COL27A1: variants seen among roughly 807,000 people sequenced by gnomAD.
COL27A1 encodes collagen alpha-1(XXVII) chain.
COL27A1 carries 106 observed loss-of-function variants against 251.3 expected under a neutral mutation model. The observed-to-expected ratio is 0.42, with a 90% confidence interval of 0.36 to 0.50. The LOEUF (loss-of-function observed/expected upper bound fraction) is 0.50, where lower values mean the gene tolerates loss of function less well. Ranked by LOEUF, COL27A1 falls within the 20% of genes least tolerant of loss-of-function variation. The pLI, the probability that COL27A1 is intolerant of heterozygous loss-of-function variation, is 0.00. For missense variants in COL27A1, 2,325 were observed against 2,522.8 expected, an observed-to-expected ratio of 0.92 and a Z score of 1.68; for synonymous variants, 1,000 against 986.3, an observed-to-expected ratio of 1.01 and a Z score of -0.26.
At chr9:114,294,241 C>T (rs1363040434) in intron 49 of COL27A1, among the ~76,000 whole-genome samples, 2 of 120,220 alleles carry the variant, frequency 1.7e-5, no homozygotes, top group East Asian at 2.4e-4. Context: ...GGGAGAGACT[C>T]TGTCTCAAAA....
At chr9:114,197,122 C>T (rs1468254182) in intron 7 of COL27A1, among the ~76,000 whole-genome samples, 2 of 152,148 alleles carry the variant, frequency 1.3e-5, no homozygotes, top group South Asian at 2.1e-4. Context: ...CCAAGAAAAT[C>T]CCCAACCGCT....
At chr9:114,282,212 C>T (rs367943010) in intron 37 of COL27A1, 65 bp from the exon 38 acceptor site, 66 of 1,481,358 alleles carry the variant, frequency 4.5e-5, no homozygotes, top group Middle Eastern at 3.6e-4. Flanking sequence ...GACCGCCTTG[C>T]GGATCCGCCT....
chr9:114,183,928 T>G (rs148573245), intron 5 of COL27A1, among the ~76,000 whole-genome samples: 2 of 152,324 alleles, frequency 1.3e-5, no homozygotes, highest in East Asian at 3.9e-4. Flanking sequence ...CCCGGAGCTC[T>G]GGCAGAGGGC....
chr9:114,264,399 G>A lies in COL27A1; in HGVS notation c.3240G>A (p.Arg1080=). 1 of 1,588,272 alleles carries A rather than the reference G, an allele frequency of 6.3e-7. No individual in the cohort carries two copies. ...PDGPAGEQGS[R]GLKGPPGPQG... is the part of the protein sequence containing the mutation. ...GACCAGCTGGGGAGCAAGGGTCCAG[G>A]GGCCTGAAGGTACCGACCCCTAGGA... is the stretch of plus-strand genomic sequence containing the variant. Residue 1080 remains arginine, a synonymous_variant, in exon 29 of 61, where the codon AGG becomes AGA. Transcript: ENST00000356083.
intron 36 of COL27A1, chr9:114,271,045 C>T: frequency 2.1e-6 from 1 of 485,518 alleles, no homozygotes; most frequent in Non-Finnish European, 3.6e-6. Context: ...ATATCAGCTT[C>T]TCTTGGCTAA....
At chr9:114,253,676 A>G (rs10982124) in intron 27 of COL27A1, among the ~76,000 whole-genome samples, 67,917 of 152,026 alleles carry the variant, frequency 0.45, 16,228 homozygotes, top group East Asian at 0.76. Flanking sequence ...TAACTTCTCC[A>G]AGCCTGAATT....
rs761414386 is a variant in COL27A1 at position 114,167,924 on chromosome 9, G to C, written c.369G>C (p.Lys123Asn). The change falls in exon 3 of 61, where the codon AAG (lysine) becomes AAC (asparagine). Residue 123 changes from lysine to asparagine, a missense_variant. Around this residue, in one of 4 missense-constraint regions of COL27A1, gnomAD observed 1,183 missense variants for 1,144.1 expected, o/e 1.03. Coordinates refer to ENST00000356083, the MANE Select transcript of COL27A1 (RefSeq NM_032888.4). ...TCGCTGTCCGCAGCCAGAAACGCAA[G>C]CTGCAGCTGGGCCTGCAGTTCCTCC... is the stretch of plus-strand genomic sequence containing the variant. ...FLFAVRSQKR[K>N]LQLGLQFLPG... is the part of the protein sequence containing the mutation. 3 of 1,611,286 alleles carry C rather than the reference G, an allele frequency of 1.9e-6. No homozygotes were observed. The highest frequency in any genetic ancestry group is 2.5e-6 in the Non-Finnish European group (3 of 1,179,826).
Position 114,258,303 on chromosome 9 carries a change from G to T in COL27A1, c.3142-238G>T, listed in dbSNP as rs141988989. Among the ~76,000 whole-genome samples, 308 of 152,322 alleles carry T rather than the reference G, an allele frequency of 2.0e-3. 1 individual carries two copies. The highest frequency in any genetic ancestry group is 6.4e-3 in the African/African-American group (264 of 41,572). On this transcript the variant is annotated intron_variant, in intron 27 of 60. Transcript: ENST00000356083. ...CCCCAGACTCCCAGGAAAGGTCGAGGCCCATCCCCCTATAGCCCAGGGCAT... is the reference window on the plus strand; with the variant it reads ...CCCCAGACTCCCAGGAAAGGTCGAGTCCCATCCCCCTATAGCCCAGGGCAT...
chr9:114,173,328 A>G (rs920977177), intron 3 of COL27A1, among the ~76,000 whole-genome samples: 1 of 152,226 alleles, frequency 6.6e-6, no homozygotes, highest in Non-Finnish European at 1.5e-5. Context: ...GGCCCACACC[A>G]CGTGCTCTGT....
chr9:114,300,151 T>G, intron 50 of COL27A1, 28 bp downstream of exon 50: 1 of 1,602,264 alleles, frequency 6.2e-7, no homozygotes, highest in Non-Finnish European at 8.6e-7. Context: ...TCACTGTTCC[T>G]GTGGGGTCCC....
Position 114,250,621 on chromosome 9 carries a change from A to G in COL27A1, c.2986A>G (p.Met996Val), listed in dbSNP as rs767952814. 6.2e-7 allele frequency: 1 copy of G among 1,611,738 alleles called. No homozygotes were observed. Among genetic ancestry groups the G allele is most frequent in the Non-Finnish European group, 8.5e-7 (1 of 1,177,994 alleles). The change falls in exon 25 of 61, where the codon ATG becomes GTG. Residue 996 changes from methionine to valine, a missense_variant. Around this residue, in one of 4 missense-constraint regions of COL27A1, gnomAD observed 662 missense variants for 795.3 expected, o/e 0.83. Coordinates refer to ENST00000356083, the MANE Select transcript of COL27A1 (RefSeq NM_032888.4). ...RPGPVGEQGF[M>V]GFIGLVGEPG... ...TCGGGAATGTGTCTCATAGGGATTT[A>G]TGGGATTCATTGGTCTGGTCGGGGA...
At chr9:114,295,448 C>T (rs1048135182) in intron 49 of COL27A1, among the ~76,000 whole-genome samples, 1 of 152,116 alleles carries the variant, frequency 6.6e-6, no homozygotes, top group African/African-American at 2.4e-5. Flanking sequence ...TCCTAATATA[C>T]ATATGAAATA....
chr9:114,193,188 G>A (rs1828867527), intron 5 of COL27A1, among the ~76,000 whole-genome samples: 1 of 152,118 alleles, frequency 6.6e-6, no homozygotes, highest in African/African-American at 2.4e-5. Context: ...GGATAGGAAT[G>A]GGGACAAAGA....
intron 16 of COL27A1, among the ~76,000 whole-genome samples, chr9:114,234,451 A>C (rs1588720227): frequency 6.6e-6 from 1 of 152,148 alleles, no homozygotes; most frequent in Admixed American, 6.5e-5. Flanking sequence ...CCAGGGATGT[A>C]AATGTTTTCG....
intron 4 of COL27A1, among the ~76,000 whole-genome samples, chr9:114,181,022 C>A (rs4978572): frequency 3.3e-5 from 5 of 151,928 alleles, no homozygotes; most frequent in African/African-American, 1.2e-4. Flanking sequence ...AACACTCCCT[C>A]CCAACCTCTG....
Position 114,168,626 on chromosome 9 carries a change from G to A in COL27A1, c.1071G>A (p.Gln357=), listed in dbSNP as rs755426142. The stretch of plus-strand genomic sequence containing the variant: ...GCCCTGCGGCCGCTCAACCATCACA[G>A]AAGATCACAGCCACCAAAATCCCCA... ...TPRPAAAQPS[Q]KITATKIPKS... Residue 357 remains glutamine (Q), a synonymous_variant, in exon 3 of 61, where the codon CAG becomes CAA. Transcript: ENST00000356083. The A allele has an allele frequency of 6.8e-6, 11 of 1,614,142 alleles. No individual in the cohort carries two copies. The East Asian group carries it at 1.8e-4, about 26-fold the overall frequency.
Position 114,289,239 on chromosome 9 carries a change from C to T in COL27A1, c.4153-3C>T. The T allele has an allele frequency of 3.2e-6, 5 of 1,585,172 alleles. No homozygotes were observed. The highest frequency in any genetic ancestry group is 3.4e-6 in the Non-Finnish European group (4 of 1,166,878). On this transcript the variant is annotated splice_polypyrimidine_tract_variant and splice_region_variant and intron_variant, in intron 44 of 60. Transcript: ENST00000356083. ...CCTTGCGTCATCTCACCTTGGTTTG[C>T]AGGGGCATCCGGGACCCCGGGGGTG...
rs538919468 is a variant in COL27A1 at position 114,193,429 on chromosome 9, T to A, written c.2017-975T>A. Among the ~76,000 whole-genome samples the A allele has an allele frequency of 2.0e-5, 3 of 152,248 alleles. No homozygotes were observed. The South Asian group carries it at 6.2e-4, about 32-fold the overall frequency. On this transcript the variant is annotated intron_variant, in intron 5 of 60. Transcript: ENST00000356083. ...AGGCACAAAGAGTGCTTGCCTCTGA[T>A]GGGGGACTCACTGCTTGTCAGTTTC...
chr9:114,291,952 C>T, intron 48 of COL27A1, 151 bp from the exon 49 acceptor site: 1 of 696,420 alleles, frequency 1.4e-6, no homozygotes, highest in Non-Finnish European at 2.5e-6. Context: ...GTCACCCCTA[C>T]CCCACCAGGC....
Sources: gnomAD v4.1 joint callset for allele counts (sites outside exome capture counted in the v4.1 genomes callset) on GRCh38, gnomAD v4.1.1 for gene constraint, gnomAD v4.1.1 regional missense constraint, MANE v1.5 for transcripts, NCBI Gene and HGNC (gene_info 2026-07-23, HGNC 2026-07-21) for gene names.